Variants in RABL6 observed in about 807,000 individuals in gnomAD.
RABL6 encodes rab-like protein 6.
Under a neutral mutation model 72.9 loss-of-function variants are expected in RABL6, and 28 were observed. The ratio of observed to expected loss-of-function variants is 0.38; its 90% CI spans 0.28 to 0.53. The LOEUF is 0.53. RABL6 is among the 20% of genes least tolerant of loss of function. RABL6 has a pLI of 0.80. For synonymous variants in RABL6, 477 were observed against 421.2 expected, an observed-to-expected ratio of 1.13 and a Z score of -1.62; for missense variants, 1,029 against 1,008.4, an observed-to-expected ratio of 1.02 and a Z score of -0.28.
At chr9:136,831,656 C>T (rs1270430829) in intron 5 of RABL6, 65 bp from the exon 6 acceptor site, 1 of 1,599,056 alleles carries the variant, frequency 6.3e-7, no homozygotes, top group Non-Finnish European at 8.5e-7. Flanking sequence ...CGCACAGCAC[C>T]TTTCCAGGGA....
chr9:136,818,958 G>A (rs867538757), intron 1 of RABL6, among the ~76,000 whole-genome samples: 1 of 152,140 alleles, frequency 6.6e-6, no homozygotes, highest in Non-Finnish European at 1.5e-5. Flanking sequence ...AAACTTAAGG[G>A]TTCCCAAAGT....
rs1268494086 is a variant in RABL6 at position 136,832,796 on chromosome 9, T to C, written c.705+426T>C. ...AGGCGTGAGTCACCGAGGTACTCGC[T>C]GTTCACATCTCACATTTCCCTGGTG... On this transcript the variant is annotated intron_variant, in intron 7 of 14. Transcript: ENST00000311502. 1.8e-5 allele frequency: 6 copies of C among 327,188 alleles called. No individual in the cohort carries two copies. The Admixed American group carries it at 2.7e-4, about 15-fold the overall frequency. The allele number at this position is 327,188 out of a possible 1,614,324, so 20.3% of individuals were successfully genotyped here. A position where few individuals can be genotyped will look rare whatever the true frequency, so the allele number is the denominator to read the frequency against.
At position 136,841,144 on chromosome 9, in the gene RABL6, C is replaced by T. The variant is rs957959533; in HGVS notation, c.*622C>T. The T allele has an allele frequency of 7.5e-6, 7 of 936,916 alleles. No individual in the cohort carries two copies. In the African/African-American group the frequency reaches 8.4e-5, roughly 11 times the overall value. 58.0% of individuals were successfully genotyped at this position (936,916 alleles called of 1,614,324 possible). ...AGGCAGGAGCCGGGAGGCACTCCTC[C>T]CAAACACTCCACTCAGACCATAAAG... is the stretch of plus-strand genomic sequence containing the variant. On this transcript the variant is annotated 3_prime_UTR_variant, in exon 15 of 15. Transcript: ENST00000311502.
rs777887479 is a variant in RABL6, at chr9:136,828,514, G to A, written c.334G>A (p.Asp112Asn). 1.4e-5 allele frequency: 23 copies of A among 1,613,354 alleles called. No individual in the cohort carries two copies. Among genetic ancestry groups the A allele is most frequent in the African/African-American group, 4.0e-5 (3 of 75,038 alleles). ...VDKGKCKKRG[D>N]GLKMENDPQE... is the part of the protein sequence containing the mutation. ...ATAAGGAAAATGCAAAAAGCGAGGC[G>A]ACGGCTTAAAGATGGAGAACGACCC... Residue 112 changes from aspartate to asparagine, a missense_variant, in exon 4 of 15, where the codon GAC (aspartate) becomes AAC (asparagine). This residue lies in a region of RABL6 where 434 missense variants were observed against 536.1 expected (regional missense o/e 0.81). Transcript: ENST00000311502.
At chr9:136,836,170 C>T (rs1420825968) in intron 8 of RABL6, 1 of 289,478 alleles carries the variant, frequency 3.5e-6, no homozygotes, top group East Asian at 7.2e-5. Flanking sequence ...AGATTGATGC[C>T]AGCATGGGGT....
At chr9:136,838,376 A>G (rs1031943560) in intron 10 of RABL6, among the ~76,000 whole-genome samples, 2 of 152,208 alleles carry the variant, frequency 1.3e-5, no homozygotes, top group Non-Finnish European at 2.9e-5. Flanking sequence ...TGCTGCAGAG[A>G]CAGGGGCGGC....
chr9:136,834,723 C>CATCTCA (rs1848553618), intron 7 of RABL6, among the ~76,000 whole-genome samples: 1 of 152,078 alleles, frequency 6.6e-6, no homozygotes, highest in African/African-American at 2.4e-5. Context: ...GTGATCTGCC[C>CATCTCA]GCCTTGGCCC....
intron 7 of RABL6, chr9:136,834,625 CCT>C (rs1381190407): frequency 3.2e-6 from 1 of 310,030 alleles, no homozygotes; most frequent in Non-Finnish European, 4.7e-6. Flanking sequence ...ATTACAGGCG[CCT>C]GCCACCACGC....
At chr9:136,828,892 C>G (rs760361444) in intron 4 of RABL6, among the ~76,000 whole-genome samples, 2 of 152,230 alleles carry the variant, frequency 1.3e-5, no homozygotes, top group Non-Finnish European at 2.9e-5. Flanking sequence ...GTGAGTTTCG[C>G]TCACCGGAGC....
At chr9:136,811,630 A>C (rs1848013927) in intron 1 of RABL6, among the ~76,000 whole-genome samples, 1 of 150,574 alleles carries the variant, frequency 6.6e-6, no homozygotes, top group Non-Finnish European at 1.5e-5. Context: ...AAAAAAAAAA[A>C]AAAACAATTG....
chr9:136,810,106 A>C (rs1473587173), intron 1 of RABL6: 2 of 152,226 alleles, frequency 1.3e-5, no homozygotes, highest in Non-Finnish European at 2.9e-5. Flanking sequence ...AAAATAACTG[A>C]GTTTACGCCA....
At position 136,839,140 on chromosome 9, in the gene RABL6, A is replaced by G. The variant is rs1362148411; in HGVS notation, c.1493+19A>G. The G allele has an allele frequency of 1.9e-6, 3 of 1,610,092 alleles. No homozygotes were observed. The highest frequency in any genetic ancestry group is 2.5e-6 in the Non-Finnish European group (3 of 1,178,288). On this transcript the variant is annotated intron_variant, in intron 11 of 14. Transcript: ENST00000311502. ...CCAAGTGGTAAGGGCAGGTGTCCCC[A>G]CGGGTGCGGCCTGGAGACCCGGGTG...
Position 136,839,758 on chromosome 9 carries a change from C to T in RABL6, c.1823C>T (p.Pro608Leu), listed in dbSNP as rs373963047. Residue 608 changes from proline to leucine, a missense_variant, in exon 13 of 15, where the codon CCG becomes CTG. Pro to Leu is a moderately conservative substitution (Grantham distance 98, BLOSUM62 -3). Coordinates refer to ENST00000311502, the MANE Select transcript of RABL6 (RefSeq NM_024718.5). Reference sequence around the variant, plus strand: ...GACGAGGATGAGGGCCCTGCCGAGCCGCCCCCACCCCCCAAGCTCCCTCTC... The same window carrying T: ...GACGAGGATGAGGGCCCTGCCGAGCTGCCCCCACCCCCCAAGCTCCCTCTC... ...VTDEDEGPAE[P>L]PPPPKLPLPA... is the part of the protein sequence containing the mutation. 106 of 1,611,880 alleles carry T rather than the reference C, an allele frequency of 6.6e-5. No individual in the cohort carries two copies. Among genetic ancestry groups the T allele is most frequent in the East Asian group, 1.8e-4 (8 of 44,866 alleles).
chr9:136,831,907 G>T (rs202104047), intron 6 of RABL6, 46 bp downstream of exon 6: 11 of 1,563,778 alleles, frequency 7.0e-6, no homozygotes, highest in Admixed American at 3.6e-5. Context: ...CCGGTGCTCC[G>T]GTGTGCGGGG....
Position 136,838,957 on chromosome 9 carries a change from C to T in RABL6, c.1329C>T (p.Asp443=), listed in dbSNP as rs368010348. The change falls in exon 11 of 15, where the codon GAC becomes GAT. Residue 443 remains aspartate, a synonymous_variant. Coordinates refer to ENST00000311502, the MANE Select transcript of RABL6 (RefSeq NM_024718.5). ...ACCCGATGGTGGCAGGGTTCCAGGA[C>T]GATGTGGACCTCGAAGACCAGCCAC... ...GGNPMVAGFQ[D]DVDLEDQPRG... The T allele has an allele frequency of 9.7e-5, 156 of 1,610,174 alleles. No homozygotes were observed. Among genetic ancestry groups the T allele is most frequent in the Middle Eastern group, 3.4e-4 (2 of 5,818 alleles).
rs557013025 is a variant in RABL6 at position 136,822,402 on chromosome 9, C to T, written c.131-1123C>T. On this transcript the variant is annotated intron_variant, in intron 1 of 14. Coordinates refer to ENST00000311502, the MANE Select transcript of RABL6 (RefSeq NM_024718.5). ...GGACGGCCAGGGCTTCTCTCTCCCC[C>T]GTGCCTGTGGTGGGTTCACCAAGGC... Among the ~76,000 whole-genome samples the T allele has an allele frequency of 3.3e-5, 5 of 152,210 alleles. No individual in the cohort carries two copies. In the East Asian group the frequency reaches 7.7e-4, roughly 24 times the overall value.
chr9:136,821,508 T>C, intron 1 of RABL6: 1 of 985,328 alleles, frequency 1.0e-6, no homozygotes, highest in South Asian at 4.7e-5. Flanking sequence ...CCAGCGAGGC[T>C]ATGCGTGCGC....
At chr9:136,821,501 G>A (rs569585208) in intron 1 of RABL6, 1 of 985,390 alleles carries the variant, frequency 1.0e-6, no homozygotes, top group South Asian at 4.7e-5. Context: ...CGCGGGCCCA[G>A]CGAGGCTATG....
At chr9:136,830,483 C>T (rs535745105) in intron 5 of RABL6, among the ~76,000 whole-genome samples, 36 of 152,388 alleles carry the variant, frequency 2.4e-4, no homozygotes, top group South Asian at 1.0e-3. Flanking sequence ...GAACCACACA[C>T]GGGGCTGGCG....
Sources: allele counts gnomAD v4.1 joint callset (sites outside exome capture counted in the v4.1 genomes callset), GRCh38; gene constraint gnomAD v4.1.1; regional missense constraint gnomAD v4.1.1; transcripts MANE v1.5; gene names NCBI Gene and HGNC (gene_info 2026-07-23, HGNC 2026-07-21).